Variants in STK32A observed in about 807,000 individuals in gnomAD.
STK32A encodes the protein serine/threonine-protein kinase 32A.
In STK32A, 41 loss-of-function variants were observed where a neutral mutation model predicts 53.2. The ratio of observed to expected loss-of-function variants is 0.77; its 90% CI spans 0.60 to 1.00. STK32A has a LOEUF of 1.00. Among genes scored for constraint, STK32A ranks in the 50% least tolerant of loss-of-function variants. The pLI is 0.00. For missense variants in STK32A, 458 were observed against 485.8 expected (o/e 0.94, Z 0.54); for synonymous variants, 166 against 162.8 (o/e 1.02, Z -0.15).
At chr5:147,327,770 G>C (rs1296848688) in intron 5 of STK32A, among the ~76,000 whole-genome samples, 1 of 152,120 alleles carries the variant, frequency 6.6e-6, no homozygotes, top group African/African-American at 2.4e-5. Flanking sequence ...TATTAAGTAG[G>C]GAAAGCATCA....
chr5:147,244,213 ATTCTCT>A (rs1414634455), intron 2 of STK32A, among the ~76,000 whole-genome samples: 1 of 152,214 alleles, frequency 6.6e-6, no homozygotes, highest in Non-Finnish European at 1.5e-5. Flanking sequence ...ATGTGTCAAG[ATTCTCT>A]TTCTTTTTAA....
At chr5:147,366,836 GT>G (rs1756770524) in intron 8 of STK32A, among the ~76,000 whole-genome samples, 2 of 147,770 alleles carry the variant, frequency 1.4e-5, no homozygotes, top group Admixed American at 6.7e-5. Flanking sequence ...TAGATGTGTT[GT>G]TTTAGCAAAA....
At chr5:147,312,884 C>G (rs1165341616) in intron 4 of STK32A, among the ~76,000 whole-genome samples, 1 of 152,058 alleles carries the variant, frequency 6.6e-6, no homozygotes, top group East Asian at 1.9e-4. Context: ...AGCAAACCCT[C>G]TTCTATACAT....
chr5:147,375,255 T>A, intron 11 of STK32A, 37 bp downstream of exon 11: 1 of 1,599,712 alleles, frequency 6.3e-7, no homozygotes, highest in Non-Finnish European at 8.5e-7. Flanking sequence ...GTCATGGGTA[T>A]CCCCATGATG....
downstream of STK32A, among the ~76,000 whole-genome samples, chr5:147,390,333 C>T (rs138238062): frequency 5.6e-3 from 846 of 152,232 alleles, 11 homozygotes; most frequent in African/African-American, 0.02. Context: ...TGCTTCCGTA[C>T]ACTGATTTTA....
intron 2 of STK32A, among the ~76,000 whole-genome samples, chr5:147,268,242 T>C (rs1266445854): frequency 1.3e-5 from 2 of 152,204 alleles, no homozygotes; most frequent in Admixed American, 6.5e-5. Context: ...ACCTTCCTGA[T>C]AATCCAATGC....
intron 5 of STK32A, 109 bp downstream of exon 5, chr5:147,324,180 T>A: frequency 8.7e-7 from 1 of 1,155,270 alleles, no homozygotes; most frequent in Non-Finnish European, 1.2e-6. Flanking sequence ...CCCGTTTAAT[T>A]CTTGAAACAG....
intron 8 of STK32A, among the ~76,000 whole-genome samples, chr5:147,367,882 A>G (rs1756835792): frequency 1.3e-5 from 2 of 152,234 alleles, no homozygotes; most frequent in Non-Finnish European, 2.9e-5. Context: ...ACCTGCAATT[A>G]CGTTTCAAAA....
chr5:147,395,815 G>A, the STK32A span: 12 of 1,396,206 alleles, frequency 8.6e-6, no homozygotes, highest in Middle Eastern at 1.8e-4. Context: ...ACAGTGTGTG[G>A]TGGGAGCTAG....
chr5:147,279,451 T>G (rs78417445), intron 4 of STK32A, 53 bp downstream of exon 4: 159,703 of 1,507,304 alleles, frequency 0.11, 8,647 homozygotes, highest in South Asian at 0.13. Context: ...ATCGGTGGGC[T>G]AGGGGAGGTC....
intron 5 of STK32A, among the ~76,000 whole-genome samples, chr5:147,324,362 T>A (rs1754475922): frequency 1.3e-5 from 2 of 152,152 alleles, no homozygotes; most frequent in African/African-American, 2.4e-5. Flanking sequence ...TATAGAAACC[T>A]AATAAATATT....
chr5:147,324,533 AG>A (rs1221357111), intron 5 of STK32A, among the ~76,000 whole-genome samples: 3 of 152,208 alleles, frequency 2.0e-5, no homozygotes, highest in African/African-American at 7.2e-5. Context: ...AGGTAGAAAA[AG>A]CAATAGCAAT....
intron 2 of STK32A, among the ~76,000 whole-genome samples, chr5:147,241,261 G>A (rs1203673039): frequency 2.0e-5 from 3 of 152,158 alleles, no homozygotes; most frequent in Admixed American, 6.5e-5. Flanking sequence ...GGCGGATCAC[G>A]AGGTCAGGAG....
At chr5:147,298,347 G>A (rs970164071) in intron 4 of STK32A, among the ~76,000 whole-genome samples, 2 of 152,144 alleles carry the variant, frequency 1.3e-5, no homozygotes, top group African/African-American at 2.4e-5. Context: ...AAACTTGTAG[G>A]TACTATTGGA....
At chr5:147,238,763 T>A (rs11747737) in intron 1 of STK32A, among the ~76,000 whole-genome samples, 46,307 of 151,562 alleles carry the variant, frequency 0.31, 7,848 homozygotes, top group Admixed American at 0.38. Context: ...TGTATGCATA[T>A]CATAGATTTA....
rs1754453800 is a variant in STK32A, at chr5:147,324,063, C to A, written c.426C>A (p.Ile142=). Residue 142 remains isoleucine (I), a synonymous_variant, in exon 5 of 13, where the codon ATC becomes ATA. Coordinates refer to ENST00000397936, the MANE Select transcript of STK32A (RefSeq NM_001112724.2). ...MALDYLQNQR[I]IHRDMKPDNI... ...TGGACTACCTGCAGAACCAGCGCAT[C>A]ATTCACAGGTCAGTCAAGTCCAAGG... The A allele has an allele frequency of 1.7e-5, 27 of 1,603,174 alleles. No individual in the cohort carries two copies. The highest frequency in any genetic ancestry group is 6.7e-5 in the East Asian group (3 of 44,562).
At chr5:147,373,079 A>G in intron 9 of STK32A, 90 bp from the exon 10 acceptor site, 1 of 1,527,064 alleles carries the variant, frequency 6.5e-7, no homozygotes, top group East Asian at 2.3e-5. Context: ...CTTCAGTCCT[A>G]CAGTTGAAAG....
At chr5:147,245,171 T>C (rs1302855691) in intron 2 of STK32A, among the ~76,000 whole-genome samples, 1 of 152,198 alleles carries the variant, frequency 6.6e-6, no homozygotes, top group Non-Finnish European at 1.5e-5. Context: ...TATTTTTGTT[T>C]AAGGCAAAAT....
At chr5:147,236,437 A>G (rs1345884441) in intron 1 of STK32A, among the ~76,000 whole-genome samples, 1 of 152,148 alleles carries the variant, frequency 6.6e-6, no homozygotes, top group Non-Finnish European at 1.5e-5. Flanking sequence ...GGGTTGGTAA[A>G]AGAGAGTCCT....
Sources: gnomAD v4.1 joint callset for allele counts (sites outside exome capture counted in the v4.1 genomes callset) on GRCh38, gnomAD v4.1.1 for gene constraint, MANE v1.5 for transcripts, NCBI Gene and HGNC (gene_info 2026-07-23, HGNC 2026-07-21) for gene names.